Variants in NCAM2 observed in about 807,000 individuals in gnomAD.
NCAM2 encodes the protein neural cell adhesion molecule 2.
In NCAM2, 30 loss-of-function variants were observed where a neutral mutation model predicts 98.1. That is an observed-to-expected ratio of 0.31 (90% CI 0.23 to 0.41). The LOEUF is 0.41. NCAM2 is among the 10% of genes least tolerant of loss of function. The pLI is 1.00. For missense variants in NCAM2, 867 were observed against 1,005.8 expected (o/e 0.86, Z 1.87); for synonymous variants, 368 against 342.4 (o/e 1.07, Z -0.83).
chr21:21,477,712 G>A (rs945041986), intron 15 of NCAM2, among the ~76,000 whole-genome samples: 1 of 152,076 alleles, frequency 6.6e-6, no homozygotes, highest in African/African-American at 2.4e-5. Flanking sequence ...GAATGACTAG[G>A]AGAACATAGA....
intron 1 of NCAM2, among the ~76,000 whole-genome samples, chr21:21,242,812 G>A (rs1487627819): frequency 6.6e-6 from 1 of 152,068 alleles, no homozygotes; most frequent in Non-Finnish European, 1.5e-5. Flanking sequence ...TTGGCATCAT[G>A]TTATCCATTT....
At chr21:21,102,462 AC>A (rs1167423904) in intron 1 of NCAM2, among the ~76,000 whole-genome samples, 2 of 151,990 alleles carry the variant, frequency 1.3e-5, no homozygotes, top group Non-Finnish European at 2.9e-5. Context: ...TTGGGCGCAT[AC>A]AAGTATATTT....
At chr21:21,462,843 C>T (rs958642731) in intron 12 of NCAM2, among the ~76,000 whole-genome samples, 20 of 151,898 alleles carry the variant, frequency 1.3e-4, no homozygotes, top group African/African-American at 4.6e-4. Flanking sequence ...TTGGAAGAAC[C>T]GTGTTAAGAT....
chr21:21,312,422 AT>A (rs954835118), intron 5 of NCAM2, among the ~76,000 whole-genome samples: 13 of 151,380 alleles, frequency 8.6e-5, no homozygotes, highest in Non-Finnish European at 3.0e-5. Flanking sequence ...CAATTATTTA[AT>A]AATATTAGGT....
chr21:21,157,722 A>C (rs948170861), intron 1 of NCAM2, among the ~76,000 whole-genome samples: 1 of 152,162 alleles, frequency 6.6e-6, no homozygotes, highest in Non-Finnish European at 1.5e-5. Flanking sequence ...GCTGCAAGAC[A>C]GACATTTTTA....
intron 1 of NCAM2, among the ~76,000 whole-genome samples, chr21:21,091,166 C>A (rs1351605117): frequency 6.6e-6 from 1 of 152,128 alleles, no homozygotes; most frequent in African/African-American, 2.4e-5. Context: ...GATATCCAAG[C>A]TTAAAAACTA....
intron 1 of NCAM2, among the ~76,000 whole-genome samples, chr21:21,017,381 A>C (rs962381179): frequency 2.7e-4 from 34 of 126,342 alleles, no homozygotes; most frequent in Admixed American, 4.1e-4. Context: ...AACAGATATC[A>C]CGCCACTGCA....
chr21:21,187,160 G>A (rs1309180770), intron 1 of NCAM2, among the ~76,000 whole-genome samples: 1 of 151,966 alleles, frequency 6.6e-6, no homozygotes, highest in Non-Finnish European at 1.5e-5. Flanking sequence ...GGAGGCGGAG[G>A]TTGCAGTGAG....
chr21:21,229,128 T>C (rs985197543), intron 1 of NCAM2, among the ~76,000 whole-genome samples: 33 of 151,482 alleles, frequency 2.2e-4, no homozygotes, highest in Non-Finnish European at 1.0e-4. Context: ...ACAAAACACA[T>C]TGAACTTGCT....
chr21:21,345,475 CA>C (rs926410262), intron 8 of NCAM2, among the ~76,000 whole-genome samples: 2 of 151,908 alleles, frequency 1.3e-5, no homozygotes, highest in Admixed American at 1.3e-4. Flanking sequence ...CTGAAAAATG[CA>C]GCAGGCATAT....
At chr21:21,349,415 A>G (rs375399016) in intron 8 of NCAM2, among the ~76,000 whole-genome samples, 2 of 152,320 alleles carry the variant, frequency 1.3e-5, no homozygotes, top group East Asian at 3.9e-4. Context: ...TTATATCCAG[A>G]AACTATGCAA....
In NCAM2 at chr21:20,998,556, T is replaced by C; in HGVS notation, c.-8T>C. The C allele has an allele frequency of 6.2e-7, 1 of 1,613,846 alleles. No homozygotes were observed. Among genetic ancestry groups the C allele is most frequent in the Non-Finnish European group, 8.5e-7 (1 of 1,179,812 alleles). The stretch of plus-strand genomic sequence containing the variant: ...TTTGAAACTGTCCACCGGTGTCACG[T>C]CCTGAACATGAGCCTCCTCCTCTCC... On this transcript the variant is annotated 5_prime_UTR_variant, in exon 1 of 18. Transcript: ENST00000400546.
intron 12 of NCAM2, among the ~76,000 whole-genome samples, chr21:21,461,833 C>A (rs1983016745): frequency 6.6e-6 from 1 of 151,936 alleles, no homozygotes; most frequent in South Asian, 2.1e-4. Context: ...TGATTACATA[C>A]CTAAGCTTCT....
intron 4 of NCAM2, among the ~76,000 whole-genome samples, chr21:21,291,226 TA>T (rs2073281210): frequency 6.6e-6 from 1 of 151,870 alleles, no homozygotes. Flanking sequence ...ATGTGTTAAT[TA>T]AGGAAATTTT....
intron 1 of NCAM2, among the ~76,000 whole-genome samples, chr21:21,234,148 G>C (rs1249114596): frequency 6.6e-6 from 1 of 151,838 alleles, no homozygotes; most frequent in Non-Finnish European, 1.5e-5. Flanking sequence ...TAGGTGAAAT[G>C]TGTGAGGGAT....
At chr21:21,050,268 G>A (rs1330131487) in intron 1 of NCAM2, among the ~76,000 whole-genome samples, 3 of 152,232 alleles carry the variant, frequency 2.0e-5, no homozygotes, top group South Asian at 2.1e-4. Flanking sequence ...AGGATGCACT[G>A]GAGAAACTAT....
At chr21:21,520,665 A>C (rs9978606) in intron 16 of NCAM2, among the ~76,000 whole-genome samples, 1 of 152,202 alleles carries the variant, frequency 6.6e-6, no homozygotes. Flanking sequence ...AACAATTCTT[A>C]GATTCATAAG....
At chr21:21,259,068 G>A (rs7283478) in intron 1 of NCAM2, among the ~76,000 whole-genome samples, 150,899 of 152,190 alleles carry the variant, frequency 0.99, 74,824 homozygotes, top group East Asian at 1. Flanking sequence ...CCTGAGGGTC[G>A]TCATGTTTGT....
intron 1 of NCAM2, among the ~76,000 whole-genome samples, chr21:21,217,373 A>C (rs1201867353): frequency 6.6e-6 from 1 of 152,164 alleles, no homozygotes; most frequent in Non-Finnish European, 1.5e-5. Context: ...CATAGAATAA[A>C]GATTCCTAGT....
Sources: allele counts gnomAD v4.1 joint callset (sites outside exome capture counted in the v4.1 genomes callset), GRCh38; gene constraint gnomAD v4.1.1; transcripts MANE v1.5; gene names NCBI Gene and HGNC (gene_info 2026-07-23, HGNC 2026-07-21).